The following RARB variants were observed in gnomAD, a reference collection of about 807,000 sequenced individuals.
The protein encoded by RARB is HBV-activated protein.
A neutral mutation model predicts 51.9 loss-of-function variants in RARB; 17 were observed. The observed-to-expected ratio is 0.33, with a 90% CI of 0.22 to 0.49. The LOEUF (loss-of-function observed/expected upper bound fraction) is 0.49, where lower values mean the gene tolerates loss of function less well. Among genes scored for constraint, RARB ranks in the 20% least tolerant of loss-of-function variants. The probability of loss-of-function intolerance (pLI) is 0.99; values close to 1 mark genes in which losing one functional copy is unlikely to be tolerated. For missense variants in RARB, 369 were observed against 550.8 expected (o/e 0.67, Z 3.30); for synonymous variants, 215 against 195.4 (o/e 1.10, Z -0.84).
chr3:25,153,135 AGTGT>A (rs59786696), intron 4 of RARB, among the ~76,000 whole-genome samples: 88 of 149,708 alleles, frequency 5.9e-4, no homozygotes, highest in Admixed American at 2.2e-3. Flanking sequence ...ATAGAGGCAG[AGTGT>A]GTGTGTGTGT....
At chr3:25,202,043 A>G (rs1018987553) in intron 5 of RARB, among the ~76,000 whole-genome samples, 1 of 152,164 alleles carries the variant, frequency 6.6e-6, no homozygotes. Context: ...GGTGGAATTC[A>G]GCTGTGAATC....
intron 1 of RARB, among the ~76,000 whole-genome samples, chr3:25,447,373 T>C (rs1330770964): frequency 1.3e-5 from 2 of 152,238 alleles, no homozygotes; most frequent in Non-Finnish European, 2.9e-5. Flanking sequence ...CAGATCCTTT[T>C]TCTAGCTGGG....
rs559283483 is a variant in RARB at position 25,099,633 on chromosome 3, A to C, written c.-327-32528A>C. On this transcript the variant is annotated intron_variant, in intron 3 of 11. Transcript: ENST00000383772. ...CAGGATTTAAAAAAAAAAAAAAAAA[A>C]AACTTTCATTATGTAGTAGAAGATG... Among the ~76,000 whole-genome samples the C allele has an allele frequency of 5.8e-3, 882 of 151,362 alleles. 14 individuals carry two copies. The highest frequency in any genetic ancestry group is 0.014 in the Middle Eastern group (4 of 292).
Position 25,386,049 on chromosome 3 carries a change from G to A in RARB, c.179-75144G>A, listed in dbSNP as rs185862561. Reference sequence around the variant, plus strand: ...TCCTCTTTAGCTTAAGCTGATTTGAGCTGAGTTTCTGTCCCTTGTAACCTT... The same window carrying A: ...TCCTCTTTAGCTTAAGCTGATTTGAACTGAGTTTCTGTCCCTTGTAACCTT... On this transcript the variant is annotated intron_variant, in intron 5 of 11. Coordinates refer to the RARB transcript ENST00000383772. Among the ~76,000 whole-genome samples the A allele has an allele frequency of 2.0e-4, 30 of 152,254 alleles. No homozygotes were observed. The East Asian group carries it at 4.4e-3, about 23-fold the overall frequency.
At chr3:24,942,745 G>A (rs1004954270) in intron 2 of RARB, among the ~76,000 whole-genome samples, 93 of 152,216 alleles carry the variant, frequency 6.1e-4, no homozygotes, top group African/African-American at 2.2e-3. Flanking sequence ...TTACTGTCAA[G>A]AGCATTAGTG....
At chr3:25,182,267 C>G (rs2125358011) in intron 5 of RARB, among the ~76,000 whole-genome samples, 1 of 152,306 alleles carries the variant, frequency 6.6e-6, no homozygotes, top group East Asian at 1.9e-4. Flanking sequence ...AATAAATGCT[C>G]TAGCTGTTGA....
At chr3:25,482,109 CT>C (rs1696254044) in intron 2 of RARB, among the ~76,000 whole-genome samples, 1 of 152,178 alleles carries the variant, frequency 6.6e-6, no homozygotes, top group South Asian at 2.1e-4. Context: ...TTTCAGCTCC[CT>C]TTTTTTTCCT....
At chr3:25,509,034 C>T (rs923377689) in intron 3 of RARB, among the ~76,000 whole-genome samples, 8 of 152,160 alleles carry the variant, frequency 5.3e-5, no homozygotes, top group African/African-American at 1.7e-4. Flanking sequence ...CTCCCCACTG[C>T]CTGTCTCCTG....
chr3:25,312,824 C>T (rs181940278), intron 5 of RARB, among the ~76,000 whole-genome samples: 43 of 152,268 alleles, frequency 2.8e-4, no homozygotes, highest in Non-Finnish European at 5.6e-4. Flanking sequence ...AGCAGCTGTC[C>T]CTCGCGGATA....
chr3:25,226,498 A>G (rs1005283735), intron 5 of RARB, among the ~76,000 whole-genome samples: 2 of 152,084 alleles, frequency 1.3e-5, no homozygotes, highest in African/African-American at 4.8e-5. Flanking sequence ...AGCTTTCTAC[A>G]CACGTTTTCT....
At chr3:25,232,100 A>C (rs1193548359) in intron 5 of RARB, among the ~76,000 whole-genome samples, 1 of 152,114 alleles carries the variant, frequency 6.6e-6, no homozygotes, top group Non-Finnish European at 1.5e-5. Flanking sequence ...TATTTGTTGA[A>C]AAAACTAAAT....
intron 2 of RARB, among the ~76,000 whole-genome samples, chr3:24,877,024 A>G (rs530226410): frequency 6.6e-6 from 1 of 152,288 alleles, no homozygotes; most frequent in East Asian, 1.9e-4. Flanking sequence ...AATTGAAATG[A>G]CAATATATGT....
At chr3:24,974,120 G>A (rs972535710) in intron 2 of RARB, among the ~76,000 whole-genome samples, 21 of 151,942 alleles carry the variant, frequency 1.4e-4, no homozygotes, top group Admixed American at 1.2e-3. Context: ...TTTGAGGTGT[G>A]TTCTTTCTAT....
At chr3:25,055,886 G>A (rs1698430655) in intron 2 of RARB, among the ~76,000 whole-genome samples, 1 of 152,102 alleles carries the variant, frequency 6.6e-6, no homozygotes, top group Non-Finnish European at 1.5e-5. Flanking sequence ...ATGGGGAGCT[G>A]CCATGTTCTA....
chr3:24,999,141 A>G (rs1470086684), intron 2 of RARB, among the ~76,000 whole-genome samples: 1 of 152,116 alleles, frequency 6.6e-6, no homozygotes, highest in African/African-American at 2.4e-5. Flanking sequence ...ACAGGCACCA[A>G]TTTCATTTAG....
intron 3 of RARB, among the ~76,000 whole-genome samples, chr3:25,519,690 CTT>C (rs1227648375): frequency 6.6e-5 from 10 of 151,896 alleles, no homozygotes; most frequent in African/African-American, 2.2e-4. Context: ...ATTTTTATCA[CTT>C]ATCATTTTAG....
chr3:25,366,672 AGG>A (rs1160844150), intron 5 of RARB, among the ~76,000 whole-genome samples: 4 of 152,184 alleles, frequency 2.6e-5, no homozygotes, highest in Non-Finnish European at 4.4e-5. Flanking sequence ...TACATTTGTG[AGG>A]GGGACTTGTT....
At chr3:25,345,971 G>C (rs963278674) in intron 5 of RARB, 4 of 771,468 alleles carry the variant, frequency 5.2e-6, no homozygotes, top group Non-Finnish European at 6.3e-6. Context: ...AAAGTCTGCA[G>C]TTTGGGGCTG....
At chr3:24,843,411 G>C (rs888774482) in intron 1 of RARB, among the ~76,000 whole-genome samples, 3 of 152,108 alleles carry the variant, frequency 2.0e-5, no homozygotes, top group South Asian at 2.1e-4. Flanking sequence ...GTACTTCATT[G>C]CCCTGAATTT....
Sources: gnomAD v4.1 joint callset for allele counts (sites outside exome capture counted in the v4.1 genomes callset) on GRCh38, gnomAD v4.1.1 for gene constraint, MANE v1.5 for transcripts, NCBI Gene and HGNC (gene_info 2026-07-23, HGNC 2026-07-21) for gene names.